The following RARS1 variants were observed in gnomAD, a reference collection of about 807,000 sequenced individuals.
The protein encoded by RARS1 is arginine--tRNA ligase, cytoplasmic.
A neutral mutation model predicts 78.7 loss-of-function variants in RARS1; 75 were observed. The ratio of observed to expected loss-of-function variants is 0.95; its 90% CI spans 0.79 to 1.15. The LOEUF (loss-of-function observed/expected upper bound fraction) is 1.15, where lower values mean the gene tolerates loss of function less well. RARS1 is among the 50% of genes most tolerant of loss of function. The pLI, the probability that RARS1 is intolerant of heterozygous loss-of-function variation, is 0.00. For synonymous variants in RARS1, 273 were observed against 268.2 expected, an observed-to-expected ratio of 1.02 and a Z score of -0.18; for missense variants, 787 against 787.5, an observed-to-expected ratio of 1.00 and a Z score of 0.01.
chr5:168,507,623 G>A (rs1484105949), intron 11 of RARS1, among the ~76,000 whole-genome samples: 1 of 152,190 alleles, frequency 6.6e-6, no homozygotes, highest in East Asian at 1.9e-4. Context: ...CATGTAAAAG[G>A]CAGATGAGAT....
chr5:168,496,011 A>G (rs937686773), intron 6 of RARS1, among the ~76,000 whole-genome samples: 1 of 152,088 alleles, frequency 6.6e-6, no homozygotes, highest in Non-Finnish European at 1.5e-5. Flanking sequence ...AGAAATAAAA[A>G]TTTTTAAATA....
In RARS1 at chr5:168,494,564, C is replaced by T; in HGVS notation, c.493C>T (p.His165Tyr). The change falls in exon 5 of 15, where the codon CAC (histidine) becomes TAC (tyrosine). Residue 165 changes from histidine (H) to tyrosine (Y), a missense_variant. Physicochemically the swap from His to Tyr is moderately conservative, Grantham distance 83. Transcript: ENST00000231572. ...CTATCCATTAGGTTTTATTAATGTC[C>T]ACTTAAGAAAGGATTTTGTATCAGA... ...EIAGPGFINV[H>Y]LRKDFVSEQL... 6.2e-7 allele frequency: 1 copy of T among 1,609,764 alleles called. No individual in the cohort carries two copies. Among genetic ancestry groups the T allele is most frequent in the Non-Finnish European group, 8.5e-7 (1 of 1,176,196 alleles).
At chr5:168,509,703 C>T (rs1758529865) in intron 11 of RARS1, among the ~76,000 whole-genome samples, 1 of 148,908 alleles carries the variant, frequency 6.7e-6, no homozygotes. Flanking sequence ...GGTGCAGTGT[C>T]TCCAGCCTGT....
rs34723836 is a variant in RARS1 at position 168,510,644 on chromosome 5, A to G, written c.1410A>G (p.Leu470=). 1.2e-6 allele frequency: 2 copies of G among 1,611,312 alleles called. No individual in the cohort carries two copies. Among genetic ancestry groups the G allele is most frequent in the African/African-American group, 1.3e-5 (1 of 74,732 alleles). The change falls in exon 12 of 15, where the codon CTA becomes CTG. Residue 470 remains leucine, a synonymous_variant. Transcript: ENST00000231572. ...TCATGGATCTTCTGGGAGAAGGACT[A>G]AAACGATCCATGGACAAGTTGAAGG... ...VRLMDLLGEG[L]KRSMDKLKEK...
intron 2 of RARS1, among the ~76,000 whole-genome samples, chr5:168,489,977 G>A (rs532709219): frequency 1.3e-5 from 2 of 152,120 alleles, no homozygotes; most frequent in South Asian, 2.1e-4. Flanking sequence ...ACCACACCTG[G>A]TTAATTTTGT....
chr5:168,488,181 G>T (rs1758007062), intron 1 of RARS1: 1 of 383,868 alleles, frequency 2.6e-6, no homozygotes, highest in South Asian at 1.9e-5. Context: ...AGACTGGAGT[G>T]CAGTGGCACG....
chr5:168,493,633 C>CAAAAA lies in RARS1; in HGVS notation c.370-244_370-240dup, dbSNP rs35001933. On this transcript the variant is annotated intron_variant, in intron 3 of 14. Transcript: ENST00000231572. The stretch of plus-strand genomic sequence containing the variant: ...TGGGCAACAGAGCGAGACTCCATCT[C>CAAAAA]AAAAAAAAAAAAAAAAAAAAATAGT... Among the ~76,000 whole-genome samples, 946 of 78,124 alleles carry CAAAAA rather than the reference C, an allele frequency of 0.012. 25 individuals carry two copies. The highest frequency in any genetic ancestry group is 0.016 in the Non-Finnish European group (621 of 39,836). The allele number at this position is 78,124 out of a possible 152,430, so 51.3% of individuals were successfully genotyped here. A position where few individuals can be genotyped will look rare whatever the true frequency, so the allele number is the denominator to read the frequency against.
intron 9 of RARS1, among the ~76,000 whole-genome samples, chr5:168,502,390 T>A (rs1267238511): frequency 2.1e-5 from 3 of 144,552 alleles, no homozygotes; most frequent in Non-Finnish European, 3.0e-5. Flanking sequence ...ATATATTTTT[T>A]TTTTTTAAAA....
chr5:168,487,114 G>T (rs769926269), intron 1 of RARS1, among the ~76,000 whole-genome samples: 12 of 152,156 alleles, frequency 7.9e-5, no homozygotes, highest in Non-Finnish European at 1.2e-4. Context: ...TGTAATCCCA[G>T]CACTTTGGGA....
intron 1 of RARS1, among the ~76,000 whole-genome samples, chr5:168,487,255 A>T (rs1303394791): frequency 6.6e-6 from 1 of 151,544 alleles, no homozygotes; most frequent in Non-Finnish European, 1.5e-5. Flanking sequence ...ATTCCTAGCT[A>T]CTCGGGAGGC....
At chr5:168,512,341 C>G (rs1030988519) in intron 12 of RARS1, among the ~76,000 whole-genome samples, 2 of 151,974 alleles carry the variant, frequency 1.3e-5, no homozygotes, top group African/African-American at 4.8e-5. Context: ...GGATATATAT[C>G]TAGGAATGGC....
Position 168,494,042 on chromosome 5 carries a change from C to G in RARS1, c.478+40C>G, listed in dbSNP as rs2432642. On this transcript the variant is annotated intron_variant, in intron 4 of 14. Transcript: ENST00000231572. Reference sequence around the variant, plus strand: ...TATCCTTCTTAATAGTTGTATTGAACATGAGTCCTTTTTGAAGTTAAAAAA... The same window carrying G: ...TATCCTTCTTAATAGTTGTATTGAAGATGAGTCCTTTTTGAAGTTAAAAAA... The G allele has an allele frequency of 0.57, 862,991 of 1,518,826 alleles. 248,272 individuals are homozygous for G. Among genetic ancestry groups the G allele is most frequent in the East Asian group, 0.79 (35,151 of 44,240 alleles). The allele number at this position is 1,518,826 out of a possible 1,614,324, so 94.1% of individuals were successfully genotyped here.
At position 168,492,771 on chromosome 5, in the gene RARS1, C is replaced by T. The variant is rs1758112773; in HGVS notation, c.293C>T (p.Pro98Leu). 1 of 1,613,822 alleles carries T rather than the reference C, an allele frequency of 6.2e-7. No homozygotes were observed. Among genetic ancestry groups the T allele is most frequent in the Non-Finnish European group, 8.5e-7 (1 of 1,179,782 alleles). The stretch of plus-strand genomic sequence containing the variant: ...GCTGCATATCCAGATTTGGAAAATC[C>T]TCCTCTGCTAGTGACACCAAGTCAG... ...IKAAYPDLENPPLLVTPSQQA... is the reference protein window; with the variant it reads ...IKAAYPDLENLPLLVTPSQQA... Residue 98 changes from proline to leucine, a missense_variant, in exon 3 of 15, where the codon CCT becomes CTT. By Grantham distance (98) the Pro-to-Leu change is moderately conservative. Coordinates refer to ENST00000231572, the MANE Select transcript of RARS1 (RefSeq NM_002887.4).
intron 11 of RARS1, among the ~76,000 whole-genome samples, chr5:168,507,445 T>G (rs913728876): frequency 1.3e-5 from 2 of 152,202 alleles, no homozygotes; most frequent in Non-Finnish European, 2.9e-5. Context: ...TGTTGTAACC[T>G]CCTGTATTCA....
At chr5:168,492,516 A>G (rs1758105881) in intron 2 of RARS1, 143 bp from the exon 3 acceptor site, 1 of 647,068 alleles carries the variant, frequency 1.5e-6, no homozygotes, top group African/African-American at 1.8e-5. Flanking sequence ...AGCAAATCCC[A>G]GATTGAGGGC....
chr5:168,495,532 C>T (rs975645371), intron 6 of RARS1, 96 bp downstream of exon 6: 16 of 1,472,558 alleles, frequency 1.1e-5, no homozygotes, highest in South Asian at 2.9e-5. Context: ...AAAGAACATT[C>T]GACTAAATCA....
Position 168,519,208 on chromosome 5 carries a change from C to T in RARS1, c.*18C>T, listed in dbSNP as rs540542485. On this transcript the variant is annotated 3_prime_UTR_variant, in exon 15 of 15. Coordinates refer to ENST00000231572, the MANE Select transcript of RARS1 (RefSeq NM_002887.4). ...GGATGTAATCCTTCATAGGTTTGAA[C>T]ACTGTGTGTTTTTACCAAAGTGGCC... 2.5e-6 allele frequency: 4 copies of T among 1,586,524 alleles called. No individual in the cohort carries two copies. The highest frequency in any genetic ancestry group is 4.5e-5 in the East Asian group (2 of 44,598).
intron 2 of RARS1, among the ~76,000 whole-genome samples, 174 bp downstream of exon 2, chr5:168,488,910 A>G (rs1317338019): frequency 6.6e-6 from 1 of 152,248 alleles, no homozygotes; most frequent in Non-Finnish European, 1.5e-5. Context: ...TGGTGCAAAT[A>G]GTGACAAGTT....
chr5:168,499,657 A>T (rs1758275562), intron 7 of RARS1, among the ~76,000 whole-genome samples: 1 of 152,212 alleles, frequency 6.6e-6, no homozygotes, highest in Admixed American at 6.5e-5. Context: ...CAGATCTATT[A>T]ATGCAAGAAA....
Sources: allele counts gnomAD v4.1 joint callset (sites outside exome capture counted in the v4.1 genomes callset), GRCh38; gene constraint gnomAD v4.1.1; transcripts MANE v1.5; gene names NCBI Gene and HGNC (gene_info 2026-07-23, HGNC 2026-07-21).